Variants in TANK observed in about 807,000 individuals in gnomAD.
The protein encoded by TANK is TRAF family member associated NFKB activator.
TANK carries 15 observed loss-of-function variants against 43.6 expected under a neutral mutation model. That is an observed-to-expected ratio of 0.34 (90% CI 0.23 to 0.53). TANK has a LOEUF of 0.53. Ranked by LOEUF, TANK falls within the 20% of genes least tolerant of loss-of-function variation. The probability of loss-of-function intolerance (pLI) is 0.94; values close to 1 mark genes in which losing one functional copy is unlikely to be tolerated. For synonymous variants in TANK, 162 were observed against 178.2 expected, an observed-to-expected ratio of 0.91 and a Z score of 0.73; for missense variants, 417 against 498.6, an observed-to-expected ratio of 0.84 and a Z score of 1.56.
Position 161,235,687 on chromosome 2 carries a change from T to C in TANK, c.*169T>C. Reference sequence around the variant, plus strand: ...TATATAACTCTTATTTTTTAAAAGATCATTCTGTTCTTTCAAGGAGAAATA... The same window carrying C: ...TATATAACTCTTATTTTTTAAAAGACCATTCTGTTCTTTCAAGGAGAAATA... On this transcript the variant is annotated 3_prime_UTR_variant, in exon 8 of 8. Transcript: ENST00000392749. The C allele has an allele frequency of 2.0e-6, 1 of 509,672 alleles. No individual in the cohort carries two copies. The highest frequency in any genetic ancestry group is 3.5e-5 in the East Asian group (1 of 28,804). 31.6% of individuals were successfully genotyped at this position (509,672 alleles called of 1,614,324 possible).
At chr2:161,200,617 A>C in intron 2 of TANK, 18 of 876,228 alleles carry the variant, frequency 2.1e-5, no homozygotes, top group Non-Finnish European at 2.5e-5. Context: ...TTTAAAAAAA[A>C]GAATCTTCAA....
chr2:161,168,168 A>G (rs1024914746), intron 1 of TANK, among the ~76,000 whole-genome samples: 1 of 152,116 alleles, frequency 6.6e-6, no homozygotes, highest in African/African-American at 2.4e-5. Context: ...ACACACTTAC[A>G]TTTCAGTGCC....
At chr2:161,182,423 G>A (rs576862165) in intron 2 of TANK, among the ~76,000 whole-genome samples, 1 of 152,250 alleles carries the variant, frequency 6.6e-6, no homozygotes, top group East Asian at 1.9e-4. Context: ...CTTTGGGTTT[G>A]ATTAATTTGC....
chr2:161,207,637 C>G (rs1316419448), intron 4 of TANK: 14 of 985,244 alleles, frequency 1.4e-5, no homozygotes, highest in Non-Finnish European at 1.7e-5. Flanking sequence ...AGAAAAAATA[C>G]TGGCCCATCA....
intron 4 of TANK, among the ~76,000 whole-genome samples, chr2:161,211,357 C>T (rs1686879284): frequency 6.6e-6 from 1 of 152,134 alleles, no homozygotes; most frequent in Non-Finnish European, 1.5e-5. Flanking sequence ...GTTTTGGGCC[C>T]CTGTAGCTTC....
At chr2:161,160,820 G>C in intron 1 of TANK, 1 of 536,946 alleles carries the variant, frequency 1.9e-6, no homozygotes, top group Non-Finnish European at 3.7e-6. Context: ...CTGCGGTGTC[G>C]AGGTGAGCAG....
At chr2:161,234,191 T>C (rs1688061677) in intron 7 of TANK, among the ~76,000 whole-genome samples, 1 of 152,206 alleles carries the variant, frequency 6.6e-6, no homozygotes, top group Admixed American at 6.5e-5. Context: ...GTGCTTCCAT[T>C]AGTAATATAC....
rs1047235771 is a variant in TANK at position 161,160,477 on chromosome 2, C to A, written c.-59C>A. The A allele has an allele frequency of 4.3e-5, 53 of 1,243,930 alleles. No individual in the cohort carries two copies. The highest frequency in any genetic ancestry group is 3.1e-4 in the Middle Eastern group (1 of 3,262). The allele number at this position is 1,243,930 out of a possible 1,614,324, so 77.1% of individuals were successfully genotyped here. The stretch of plus-strand genomic sequence containing the variant: ...AGGGGAGAGGGAACGCAGCTGAAAG[C>A]GTGAACTGTGTGAGTAAGAAACTTT... On this transcript the variant is annotated 5_prime_UTR_variant, in exon 1 of 8. Transcript: ENST00000392749.
intron 7 of TANK, 56 bp from the exon 8 acceptor site, chr2:161,235,286 C>A (rs1574083400): frequency 1.4e-6 from 2 of 1,450,740 alleles, no homozygotes; most frequent in East Asian, 2.4e-5. Flanking sequence ...AATTTGAAGT[C>A]CAGTGCTATT....
At chr2:161,148,301 T>A (rs1470500880) in intron 1 of TANK, among the ~76,000 whole-genome samples, 1 of 152,232 alleles carries the variant, frequency 6.6e-6, no homozygotes, top group Non-Finnish European at 1.5e-5. Context: ...TTTTTTCATG[T>A]GTTTGTTGAC....
chr2:161,204,043 C>A, intron 3 of TANK, among the ~76,000 whole-genome samples: 1 of 151,824 alleles, frequency 6.6e-6, no homozygotes, highest in Non-Finnish European at 1.5e-5. Context: ...AGCTATGTAG[C>A]CAAGAAAAGT....
At chr2:161,182,137 AT>A (rs1261813029) in intron 2 of TANK, among the ~76,000 whole-genome samples, 1 of 151,988 alleles carries the variant, frequency 6.6e-6, no homozygotes, top group Non-Finnish European at 1.5e-5. Flanking sequence ...AAAAAAAAAA[AT>A]CTCAGAGTTT....
At chr2:161,194,509 C>CA (rs1686057587) in intron 2 of TANK, among the ~76,000 whole-genome samples, 1 of 151,902 alleles carries the variant, frequency 6.6e-6, no homozygotes, top group Non-Finnish European at 1.5e-5. Context: ...ATTGACTTGC[C>CA]AGTAAGGCTG....
chr2:161,157,021 G>A (rs1234950908), upstream of TANK, among the ~76,000 whole-genome samples: 3 of 152,270 alleles, frequency 2.0e-5, no homozygotes, highest in South Asian at 2.1e-4. Flanking sequence ...TCTCTAGGCC[G>A]TAGCTCCAAA....
In TANK at chr2:161,223,948, G is replaced by A. The variant is rs776993895; in HGVS notation, c.361G>A (p.Glu121Lys). Residue 121 changes from glutamate to lysine, a missense_variant, in exon 5 of 8, where the codon GAA becomes AAA. Coordinates refer to ENST00000392749, the MANE Select transcript of TANK (RefSeq NM_001199135.3). Reference sequence around the variant, plus strand: ...ACAAGAGGTTTCTTCTCCTAGAAAAGAAACTTCAGCAAGGAGTCTTGGCAG... The same window carrying A: ...ACAAGAGGTTTCTTCTCCTAGAAAAAAAACTTCAGCAAGGAGTCTTGGCAG... ...RRQEVSSPRK[E>K]TSARSLGSPL... 1 of 1,602,256 alleles carries A rather than the reference G, an allele frequency of 6.2e-7. No individual in the cohort carries two copies. The highest frequency in any genetic ancestry group is 1.1e-5 in the South Asian group (1 of 89,590).
intron 1 of TANK, among the ~76,000 whole-genome samples, chr2:161,167,434 T>A (rs1684732497): frequency 6.6e-6 from 1 of 152,154 alleles, no homozygotes; most frequent in South Asian, 2.1e-4. Context: ...TTTGGCAGGA[T>A]AATGGCTGCC....
At chr2:161,166,306 ATGACCAAAGT>A (rs1684676802) in intron 1 of TANK, among the ~76,000 whole-genome samples, 1 of 152,246 alleles carries the variant, frequency 6.6e-6, no homozygotes, top group South Asian at 2.1e-4. Context: ...GGGTATATTC[ATGACCAAAGT>A]TTACAATGTG....
chr2:161,169,776 T>C (rs1558971180), intron 1 of TANK, among the ~76,000 whole-genome samples: 1 of 152,198 alleles, frequency 6.6e-6, no homozygotes, highest in Admixed American at 6.5e-5. Context: ...AACAGAGACC[T>C]AGGTTTATCT....
chr2:161,160,411 A>G, upstream of TANK: 1 of 1,240,722 alleles, frequency 8.1e-7, no homozygotes, highest in Non-Finnish European at 1.0e-6. Context: ...AACAAAATGC[A>G]ACTTCCGGTT....
Sources: gnomAD v4.1 joint callset for allele counts (sites outside exome capture counted in the v4.1 genomes callset) on GRCh38, gnomAD v4.1.1 for gene constraint, MANE v1.5 for transcripts, NCBI Gene and HGNC (gene_info 2026-07-23, HGNC 2026-07-21) for gene names.